THADA: variants seen among roughly 807,000 people sequenced by gnomAD.
THADA encodes the protein THADA armadillo repeat containing.
A neutral mutation model predicts 219.8 loss-of-function variants in THADA; 213 were observed. That is an observed-to-expected ratio of 0.97 (90% CI 0.87 to 1.09). THADA has a LOEUF of 1.09. Among genes scored for constraint, THADA ranks in the 50% least tolerant of loss-of-function variants. THADA has a pLI of 0.00. For synonymous variants in THADA, 1,018 were observed against 828.9 expected (o/e 1.23, Z -3.92); for missense variants, 2,956 against 2,311.3 (o/e 1.28, Z -5.72).
At chr2:43,395,870 G>A (rs1338032483) in intron 29 of THADA, among the ~76,000 whole-genome samples, 4 of 152,160 alleles carry the variant, frequency 2.6e-5, no homozygotes, top group African/African-American at 9.7e-5. Context: ...TCGTGCCTCA[G>A]CCTTCCAAGT....
At position 43,247,643 on chromosome 2, in the gene THADA, C is replaced by T. The variant is rs368306061; in HGVS notation, c.5297-14761G>A. On this transcript the variant is annotated intron_variant, in intron 36 of 37. Transcript: ENST00000405975. ...ACTCGGGAGGCTGAGGCACGAGAAT[C>T]GCTTGAACCCAGGAGGCGGAGGTTG... Among the ~76,000 whole-genome samples, 11 of 143,322 alleles carry T rather than the reference C, an allele frequency of 7.7e-5. No homozygotes were observed. In the East Asian group the frequency reaches 1.0e-3, roughly 14 times the overall value. The allele number at this position is 143,322 out of a possible 152,430, so 94.0% of individuals were successfully genotyped here. A position where few individuals can be genotyped will look rare whatever the true frequency, so the allele number is the denominator to read the frequency against.
chr2:43,241,482 T>C (rs952902515), intron 36 of THADA, among the ~76,000 whole-genome samples: 2 of 149,734 alleles, frequency 1.3e-5, no homozygotes, highest in Non-Finnish European at 3.0e-5. Context: ...CTAAGCTGAG[T>C]TGTGTCAGCT....
intron 11 of THADA, among the ~76,000 whole-genome samples, chr2:43,573,664 G>A (rs1029792309): frequency 2.0e-5 from 3 of 152,096 alleles, no homozygotes; most frequent in East Asian, 1.9e-4. Context: ...AGTACTGAAC[G>A]TTTTTAACAA....
At chr2:43,590,437 G>T (rs931376649) in intron 4 of THADA, among the ~76,000 whole-genome samples, 1 of 151,992 alleles carries the variant, frequency 6.6e-6, no homozygotes, top group African/African-American at 2.4e-5. Context: ...CATCACTTTG[G>T]GAGGCTGAGA....
chr2:43,528,974 A>G (rs1451436218), intron 21 of THADA, among the ~76,000 whole-genome samples: 1 of 152,092 alleles, frequency 6.6e-6, no homozygotes, highest in Non-Finnish European at 1.5e-5. Flanking sequence ...AACCCGTATT[A>G]CCTTTTAGAG....
intron 28 of THADA, among the ~76,000 whole-genome samples, chr2:43,426,296 G>A (rs2104806435): frequency 6.6e-6 from 1 of 152,194 alleles, no homozygotes; most frequent in South Asian, 2.1e-4. Context: ...TTATTTCTAG[G>A]ATGCAATGAA....
chr2:43,233,510 G>T (rs1312804924), intron 36 of THADA: 2 of 152,172 alleles, frequency 1.3e-5, no homozygotes, highest in East Asian at 3.8e-4. Flanking sequence ...AATTAAAAAT[G>T]TAAAAACCAT....
chr2:43,563,878 G>A (rs1698365628), intron 15 of THADA: 1 of 152,288 alleles, frequency 6.6e-6, no homozygotes, highest in Non-Finnish European at 1.5e-5. Flanking sequence ...AGTAATGCCT[G>A]CAGTATGGCT....
At chr2:43,398,600 C>A (rs1252222899) in intron 28 of THADA, among the ~76,000 whole-genome samples, 1 of 152,086 alleles carries the variant, frequency 6.6e-6, no homozygotes, top group African/African-American at 2.4e-5. Context: ...AGCAAGTGAC[C>A]TTGACATTAT....
At chr2:43,369,810 T>C (rs1254752953) in intron 29 of THADA, among the ~76,000 whole-genome samples, 1 of 152,220 alleles carries the variant, frequency 6.6e-6, no homozygotes, top group Non-Finnish European at 1.5e-5. Context: ...CCAAATGACT[T>C]AACTCTTTAG....
At position 43,395,342 on chromosome 2, in the gene THADA, G is replaced by C. The variant is rs187885671; in HGVS notation, c.4227+2629C>G. Among the ~76,000 whole-genome samples the C allele has an allele frequency of 3.4e-3, 518 of 152,318 alleles. 4 individuals carry two copies. Among genetic ancestry groups the C allele is most frequent in the African/African-American group, 0.011 (462 of 41,572 alleles). ...GCAGCAGAGTCTGACACAATCAAGAGATGTAAATTTTGAGGCAGAGCAAAT... is the reference window on the plus strand; with the variant it reads ...GCAGCAGAGTCTGACACAATCAAGACATGTAAATTTTGAGGCAGAGCAAAT... On this transcript the variant is annotated intron_variant, in intron 29 of 37. Transcript: ENST00000405975.
At chr2:43,356,066 C>T (rs1053990725) in intron 29 of THADA, among the ~76,000 whole-genome samples, 2 of 151,950 alleles carry the variant, frequency 1.3e-5, no homozygotes, top group Non-Finnish European at 2.9e-5. Context: ...AGACAGAAAA[C>T]GGTTAAGGGC....
intron 31 of THADA, among the ~76,000 whole-genome samples, chr2:43,304,635 TAA>T (rs1676637853): frequency 6.6e-6 from 1 of 151,640 alleles, no homozygotes; most frequent in African/African-American, 2.4e-5. Flanking sequence ...CCAACCTCCT[TAA>T]AAAAGTAGGA....
At chr2:43,292,800 T>TGTA in intron 32 of THADA, 34 bp downstream of exon 32, 1 of 1,584,884 alleles carries the variant, frequency 6.3e-7, no homozygotes, top group Admixed American at 1.7e-5. Flanking sequence ...ATGTGGGGAG[T>TGTA]GTAAAGGGCC....
intron 21 of THADA, among the ~76,000 whole-genome samples, chr2:43,536,140 G>A (rs1483158972): frequency 1.3e-5 from 2 of 152,122 alleles, no homozygotes; most frequent in Non-Finnish European, 2.9e-5. Flanking sequence ...AGTGAGAGGT[G>A]GGTCTAGTTT....
chr2:43,381,537 C>G (rs1019577797), intron 29 of THADA, among the ~76,000 whole-genome samples: 2 of 151,260 alleles, frequency 1.3e-5, no homozygotes, highest in African/African-American at 4.9e-5. Flanking sequence ...CTGGCAAACA[C>G]GACTTCTAAG....
At chr2:43,577,581 G>A (rs1699996026) in intron 9 of THADA, among the ~76,000 whole-genome samples, 4 of 150,482 alleles carry the variant, frequency 2.7e-5, no homozygotes, top group East Asian at 1.9e-4. Flanking sequence ...AAACATCTTC[G>A]ACTTATCCAA....
chr2:43,246,573 C>G (rs1285800966), intron 36 of THADA, among the ~76,000 whole-genome samples: 2 of 152,094 alleles, frequency 1.3e-5, no homozygotes, highest in East Asian at 1.9e-4. Context: ...TACCTCACCC[C>G]CTAGGCCTTT....
rs73923597 is a variant in THADA, at chr2:43,405,165, T to C, written c.4059-7026A>G. On this transcript the variant is annotated intron_variant, in intron 28 of 37. Transcript: ENST00000405975. ...TTTATGTGAAGCCCATTGGCTTTATTCTCCAGGTCCAGGGCCCAAGTCTAT... is the reference window on the plus strand; with the variant it reads ...TTTATGTGAAGCCCATTGGCTTTATCCTCCAGGTCCAGGGCCCAAGTCTAT... 6.3e-3 allele frequency among the ~76,000 whole-genome samples: 955 copies of C among 152,304 alleles called. 11 individuals are homozygous for C. The highest frequency in any genetic ancestry group is 0.022 in the African/African-American group (927 of 41,574).
Sources: gnomAD v4.1 joint callset for allele counts (sites outside exome capture counted in the v4.1 genomes callset) on GRCh38, gnomAD v4.1.1 for gene constraint, MANE v1.5 for transcripts, NCBI Gene and HGNC (gene_info 2026-07-23, HGNC 2026-07-21) for gene names.